GRHL2: variants seen among roughly 807,000 people sequenced by gnomAD.
The protein encoded by GRHL2 is grainyhead-like protein 2 homolog.
A neutral mutation model predicts 83.8 loss-of-function variants in GRHL2; 21 were observed. The observed-to-expected ratio is 0.25, with a 90% CI of 0.18 to 0.36. GRHL2 has a LOEUF of 0.36. Among genes scored for constraint, GRHL2 ranks in the 10% least tolerant of loss-of-function variants. The pLI, the probability that GRHL2 is intolerant of heterozygous loss-of-function variation, is 1.00. For synonymous variants in GRHL2, 280 were observed against 278.9 expected (o/e 1.00, Z -0.04); for missense variants, 623 against 781.8 (o/e 0.80, Z 2.42).
At chr8:101,660,483 A>G (rs189148879) in intron 14 of GRHL2, among the ~76,000 whole-genome samples, 1 of 151,902 alleles carries the variant, frequency 6.6e-6, no homozygotes, top group East Asian at 1.9e-4. Flanking sequence ...CTCTTTATTT[A>G]TTTATTTTCT....
At chr8:101,612,520 G>GATAGATAC (rs371662487) in intron 8 of GRHL2, among the ~76,000 whole-genome samples, 3,828 of 123,630 alleles carry the variant, frequency 0.031, 123 homozygotes, top group African/African-American at 0.062. Flanking sequence ...TAGATAGATA[G>GATAGATAC]ATACATACAT....
chr8:101,529,294 A>C (rs1402320737), intron 1 of GRHL2, among the ~76,000 whole-genome samples: 1 of 152,086 alleles, frequency 6.6e-6, no homozygotes, highest in Admixed American at 6.6e-5. Flanking sequence ...TTAGCCTGGC[A>C]TGGTGGCATG....
chr8:101,542,512 C>T (rs1468356064), intron 1 of GRHL2, among the ~76,000 whole-genome samples: 1 of 151,224 alleles, frequency 6.6e-6, no homozygotes, highest in Non-Finnish European at 1.5e-5. Context: ...GAGATTGCAC[C>T]ATTGCACTCC....
chr8:101,647,750 CT>C (rs1554596293), intron 13 of GRHL2, among the ~76,000 whole-genome samples: 4 of 150,938 alleles, frequency 2.7e-5, no homozygotes, highest in Non-Finnish European at 4.4e-5. Flanking sequence ...TTTTCTTTTT[CT>C]TTTTTTTTCA....
At chr8:101,511,095 C>T (rs528921619) in intron 1 of GRHL2, among the ~76,000 whole-genome samples, 14 of 142,606 alleles carry the variant, frequency 9.8e-5, no homozygotes, top group African/African-American at 3.4e-4. Context: ...AACAAGACTC[C>T]GTCTCAAAAA....
chr8:101,503,684 G>T (rs532847059), intron 1 of GRHL2, among the ~76,000 whole-genome samples: 1 of 152,090 alleles, frequency 6.6e-6, no homozygotes, highest in Non-Finnish European at 1.5e-5. Context: ...TAAAAGCCTG[G>T]CTATCAAGGG....
intron 4 of GRHL2, among the ~76,000 whole-genome samples, chr8:101,567,349 A>G (rs1487087197): frequency 6.6e-6 from 1 of 152,214 alleles, no homozygotes; most frequent in Non-Finnish European, 1.5e-5. Flanking sequence ...TTGGCATCCT[A>G]CAAATTATAT....
At chr8:101,624,386 G>T (rs1813034467) in intron 9 of GRHL2, among the ~76,000 whole-genome samples, 2 of 150,400 alleles carry the variant, frequency 1.3e-5, no homozygotes. Flanking sequence ...AGAGTACACA[G>T]TAGGACAGTT....
chr8:101,596,092 C>A (rs1812384437), intron 7 of GRHL2, among the ~76,000 whole-genome samples: 1 of 151,504 alleles, frequency 6.6e-6, no homozygotes, highest in Non-Finnish European at 1.5e-5. Context: ...TGCACTCCAG[C>A]CTTGGTGACA....
chr8:101,631,527 T>C, intron 9 of GRHL2, 110 bp from the exon 10 acceptor site: 3 of 896,356 alleles, frequency 3.3e-6, no homozygotes, highest in Non-Finnish European at 5.4e-6. Context: ...GGCTGCTTGG[T>C]TACCTCCTCC....
At chr8:101,647,945 C>T (rs1441513317) in intron 13 of GRHL2, among the ~76,000 whole-genome samples, 1 of 152,054 alleles carries the variant, frequency 6.6e-6, no homozygotes, top group Non-Finnish European at 1.5e-5. Flanking sequence ...CAACTTTGTT[C>T]TTCTGGTTGA....
Position 101,647,681 on chromosome 8 carries a change from GTTTTAC to G in GRHL2, c.1613-1727_1613-1722del, listed in dbSNP as rs142216761. 3.8e-3 allele frequency among the ~76,000 whole-genome samples: 574 copies of G among 152,150 alleles called. 7 individuals carry two copies. The East Asian group carries it at 0.057, about 15-fold the overall frequency. The stretch of plus-strand genomic sequence containing the variant: ...GACACATTCTATTTATTTAATTGGT[GTTTTAC>G]TTTTATATTTGGTAAAAAGAAGAGA... On this transcript the variant is annotated intron_variant, in intron 13 of 15. Transcript: ENST00000646743.
chr8:101,602,392 C>T (rs1390511527), intron 8 of GRHL2, among the ~76,000 whole-genome samples: 1 of 152,178 alleles, frequency 6.6e-6, no homozygotes, highest in Non-Finnish European at 1.5e-5. Context: ...GTAACGTCTG[C>T]ACAGAAACTT....
rs560359554 is a variant in GRHL2 at position 101,600,847 on chromosome 8, T to C, written c.1098+1696T>C. Among the ~76,000 whole-genome samples the C allele has an allele frequency of 3.9e-5, 6 of 152,222 alleles. No homozygotes were observed. In the South Asian group the frequency reaches 1.2e-3, roughly 32 times the overall value. ...TCCTTGGGAAGAAAATGGGATCGTG[T>C]AACTGGAAGTGTCTTATCAATGTTA... On this transcript the variant is annotated intron_variant, in intron 8 of 15. Transcript: ENST00000646743.
intron 7 of GRHL2, among the ~76,000 whole-genome samples, chr8:101,583,150 T>C (rs1437221919): frequency 1.3e-5 from 2 of 152,174 alleles, no homozygotes; most frequent in East Asian, 3.9e-4. Flanking sequence ...GTGCTTGATG[T>C]TGGAGGCTTT....
chr8:101,527,864 G>A (rs1425817958), intron 1 of GRHL2, among the ~76,000 whole-genome samples: 2 of 152,154 alleles, frequency 1.3e-5, no homozygotes, highest in African/African-American at 4.8e-5. Context: ...TTGTCTAGCA[G>A]CATTTAGTGA....
chr8:101,645,194 G>A (rs532414312), intron 13 of GRHL2, among the ~76,000 whole-genome samples: 32 of 142,684 alleles, frequency 2.2e-4, no homozygotes, highest in Admixed American at 9.5e-4. Context: ...GTGCAGTGGC[G>A]TGATCTCAGC....
At chr8:101,553,886 A>G (rs1209290018) in intron 3 of GRHL2, among the ~76,000 whole-genome samples, 1 of 151,954 alleles carries the variant, frequency 6.6e-6, no homozygotes, top group African/African-American at 2.4e-5. Flanking sequence ...TCAGCCTCCC[A>G]AAGTGCTGGG....
chr8:101,550,122 T>C (rs1320765878), intron 2 of GRHL2, among the ~76,000 whole-genome samples: 1 of 151,508 alleles, frequency 6.6e-6, no homozygotes, highest in Non-Finnish European at 1.5e-5. Context: ...TCTTTTATTA[T>C]TTATTTTTAT....
Sources: allele counts gnomAD v4.1 joint callset (sites outside exome capture counted in the v4.1 genomes callset), GRCh38; gene constraint gnomAD v4.1.1; transcripts MANE v1.5; gene names NCBI Gene and HGNC (gene_info 2026-07-23, HGNC 2026-07-21).